The following GCNA variants were observed in gnomAD, a reference collection of about 807,000 sequenced individuals.
The protein encoded by GCNA is germ cell nuclear acidic peptidase, also known as germ cell nuclear acidic protein.
GCNA carries 3 observed loss-of-function variants against 38.8 expected under a neutral mutation model. The ratio of observed to expected loss-of-function variants is 0.08; its 90% CI spans 0.04 to 0.20. GCNA has a LOEUF of 0.20. Among genes scored for constraint, GCNA ranks in the 10% least tolerant of loss-of-function variants. The pLI is 1.00. For missense variants in GCNA, 446 were observed against 578.6 expected (o/e 0.77, Z 2.35); for synonymous variants, 195 against 240.2 (o/e 0.81, Z 1.74).
At chrX:71,589,888 C>T (rs1186067335) in intron 2 of GCNA, among the ~76,000 whole-genome samples, 1 of 110,421 alleles carries the variant, frequency 9.1e-6, no homozygotes, top group East Asian at 2.8e-4. Context: ...TCATGGCTCA[C>T]TGCAGCCCCG....
intron 2 of GCNA, among the ~76,000 whole-genome samples, chrX:71,583,974 C>T (rs1333961904): frequency 1.8e-5 from 2 of 108,983 alleles, no homozygotes; most frequent in Non-Finnish European, 3.8e-5. Context: ...TCCCAAAATG[C>T]TGGGATTATA....
chrX:71,589,054 C>T, intron 2 of GCNA, among the ~76,000 whole-genome samples: 1 of 110,140 alleles, frequency 9.1e-6, no homozygotes, highest in Non-Finnish European at 1.9e-5. Context: ...AAGAGTCTCG[C>T]TATGGTGCCC....
chrX:71,608,152 G>A, intron 9 of GCNA, among the ~76,000 whole-genome samples: 1 of 112,043 alleles, frequency 8.9e-6, no homozygotes, highest in Non-Finnish European at 1.9e-5. Flanking sequence ...GGCATTAAAG[G>A]GTAGGACAAG....
In GCNA at chrX:71,613,294, G is replaced by A. The variant is rs1472901792; in HGVS notation, c.*312G>A. The A allele has an allele frequency of 5.1e-6, 1 of 197,054 alleles. No homozygotes were observed. Among genetic ancestry groups the A allele is most frequent in the Admixed American group, 6.5e-5 (1 of 15,494 alleles). The allele number at this position is 197,054 out of a possible 1,213,427, so 16.2% of individuals were successfully genotyped here. ...CTATTGCTAACCATTCTGTGCCCTT[G>A]ACAGGGTATTTCTGAAGCCCTTGGG... On this transcript the variant is annotated 3_prime_UTR_variant, in exon 13 of 13. Transcript: ENST00000373696.
At chrX:71,589,749 G>A (rs747421855) in intron 2 of GCNA, among the ~76,000 whole-genome samples, 8 of 109,701 alleles carry the variant, frequency 7.3e-5, no homozygotes, top group Non-Finnish European at 5.7e-5. Context: ...ACAGGCATGA[G>A]CCACTGCACC....
chrX:71,595,135 C>T (rs1229693070), intron 6 of GCNA, among the ~76,000 whole-genome samples: 1 of 111,765 alleles, frequency 8.9e-6, no homozygotes, highest in Non-Finnish European at 1.9e-5. Context: ...GAGTCTTGCT[C>T]GACCAGGTTC....
At chrX:71,612,605 T>C (rs773794327) in intron 12 of GCNA, 46 bp downstream of exon 12, 3 of 1,091,492 alleles carry the variant, frequency 2.7e-6, no homozygotes, top group Non-Finnish European at 3.8e-6. Context: ...TGCTGGGGCC[T>C]CCAAGTGGCT....
chrX:71,600,336 CAGCTACCATT>C (rs975951364), intron 7 of GCNA, among the ~76,000 whole-genome samples: 8 of 111,526 alleles, frequency 7.2e-5, no homozygotes, highest in African/African-American at 2.3e-4. Flanking sequence ...AAAAAAACTT[CAGCTACCATT>C]TACTATCTTT....
intron 10 of GCNA, among the ~76,000 whole-genome samples, chrX:71,609,933 A>G (rs1344403526): frequency 8.9e-6 from 1 of 111,990 alleles, no homozygotes; most frequent in Non-Finnish European, 1.9e-5. Context: ...ATATTCCTAA[A>G]GGTTCCCCAG....
intron 8 of GCNA, 142 bp downstream of exon 8, chrX:71,604,818 C>T (rs2040755784): frequency 2.3e-6 from 2 of 852,015 alleles, no homozygotes; most frequent in South Asian, 2.7e-5. Flanking sequence ...AGGCATCCAT[C>T]CCAGTGCAAG....
chrX:71,607,336 C>T (rs997225828), intron 9 of GCNA, among the ~76,000 whole-genome samples: 6 of 112,057 alleles, frequency 5.4e-5, no homozygotes, highest in South Asian at 3.7e-4. Context: ...GTACTTCCCC[C>T]CTCTGCAGCC....
At chrX:71,610,248 G>A (rs1409688023) in intron 10 of GCNA, among the ~76,000 whole-genome samples, 2 of 112,071 alleles carry the variant, frequency 1.8e-5, no homozygotes, top group African/African-American at 6.5e-5. Context: ...CAAGAACCTG[G>A]GGGAGAAGGT....
intron 3 of GCNA, 136 bp downstream of exon 3, chrX:71,592,304 A>C: frequency 1.9e-6 from 1 of 513,551 alleles, no homozygotes. Context: ...GGTGAAATGA[A>C]ATTTCCCTAC....
chrX:71,581,938 T>C lies in GCNA; in HGVS notation c.59+1058T>C, dbSNP rs1032281333. Among the ~76,000 whole-genome samples the C allele has an allele frequency of 3.7e-5, 4 of 108,015 alleles. No homozygotes were observed. In the East Asian group the frequency reaches 1.1e-3, roughly 31 times the overall value. The allele number at this position is 108,015 out of a possible 115,157, so 93.8% of individuals were successfully genotyped here. On this transcript the variant is annotated intron_variant, in intron 2 of 12. Transcript: ENST00000373696. ...ATTTAGAAAAAGGTGAACAAACGCA[T>C]GGAACATGACAAAGAATATTAGAAG...
intron 10 of GCNA, among the ~76,000 whole-genome samples, chrX:71,609,644 T>C (rs947858991): frequency 4.5e-5 from 5 of 112,039 alleles, no homozygotes; most frequent in Non-Finnish European, 9.4e-5. Flanking sequence ...GCCTAGGACA[T>C]AGTAAGCTCT....
chrX:71,609,563 C>A (rs888595929), intron 10 of GCNA, among the ~76,000 whole-genome samples: 1 of 112,261 alleles, frequency 8.9e-6, no homozygotes. Context: ...GGGGACAACA[C>A]AGTACGTATT....
chrX:71,579,269 G>A (rs6625802), intron 1 of GCNA, among the ~76,000 whole-genome samples: 15,422 of 102,740 alleles, frequency 0.15, 1,276 homozygotes, highest in East Asian at 0.44. Context: ...TGGCAGCGTG[G>A]GGGGAGGTGG....
chrX:71,601,348 A>G (rs992208580), intron 7 of GCNA, among the ~76,000 whole-genome samples: 1 of 109,716 alleles, frequency 9.1e-6, no homozygotes, highest in African/African-American at 3.3e-5. Context: ...TCAAACAACA[A>G]CAACAACAAC....
rs1468984475 is a variant in GCNA, at chrX:71,588,244, G to A, written c.60-3878G>A. On this transcript the variant is annotated intron_variant, in intron 2 of 12. Transcript: ENST00000373696. ...CCCCAGTACCAAGTATATAGTAGAT[G>A]CTCGATAAATGTCTAATTAGTGAAT... Among the ~76,000 whole-genome samples, 9 of 111,434 alleles carry A rather than the reference G, an allele frequency of 8.1e-5. No homozygotes were observed. The Admixed American group carries it at 8.6e-4, about 11-fold the overall frequency.
Sources: gnomAD v4.1 joint callset for allele counts (sites outside exome capture counted in the v4.1 genomes callset) on GRCh38, gnomAD v4.1.1 for gene constraint, MANE v1.5 for transcripts, NCBI Gene and HGNC (gene_info 2026-07-23, HGNC 2026-07-21) for gene names.